GATAD2A: variants seen among roughly 807,000 people sequenced by gnomAD.
GATAD2A encodes GATA zinc finger domain containing 2A, also known as transcriptional repressor p66-alpha.
In GATAD2A, 12 loss-of-function variants were observed where a neutral mutation model predicts 68.5. The observed-to-expected ratio is 0.18, with a 90% CI of 0.11 to 0.28. GATAD2A has a LOEUF of 0.28. Among genes scored for constraint, GATAD2A ranks in the 10% least tolerant of loss-of-function variants. The pLI, the probability that GATAD2A is intolerant of heterozygous loss-of-function variation, is 1.00. For synonymous variants in GATAD2A, 410 were observed against 375.3 expected (o/e 1.09, Z -1.07); for missense variants, 755 against 868.5 (o/e 0.87, Z 1.64).
At chr19:19,434,998 C>G (rs1434085402) in intron 1 of GATAD2A, 1 of 445,338 alleles carries the variant, frequency 2.2e-6, no homozygotes, top group Non-Finnish European at 4.9e-6. Context: ...GGGTCCATGA[C>G]AGACAACATG....
At chr19:19,454,451 T>C (rs959343399) in intron 1 of GATAD2A, among the ~76,000 whole-genome samples, 7 of 151,796 alleles carry the variant, frequency 4.6e-5, no homozygotes, top group Non-Finnish European at 8.8e-5. Flanking sequence ...TACAAAAAAT[T>C]AGCTGGGTGT....
At chr19:19,429,762 C>T (rs2053527131) in intron 1 of GATAD2A, among the ~76,000 whole-genome samples, 1 of 151,996 alleles carries the variant, frequency 6.6e-6, no homozygotes, top group South Asian at 2.1e-4. Context: ...GAACTCCGGC[C>T]TCCAGTGCCA....
At chr19:19,446,020 T>G (rs1326747761) in intron 1 of GATAD2A, among the ~76,000 whole-genome samples, 1 of 152,250 alleles carries the variant, frequency 6.6e-6, no homozygotes, top group African/African-American at 2.4e-5. Context: ...TGCGTTTAAC[T>G]TTTTGAGGAA....
chr19:19,443,746 C>T (rs927501423), intron 1 of GATAD2A, among the ~76,000 whole-genome samples: 2 of 151,950 alleles, frequency 1.3e-5, no homozygotes, highest in African/African-American at 4.8e-5. Flanking sequence ...TTGGGTTTGG[C>T]CCAGGTCTTT....
chr19:19,436,499 A>C (rs1477375587), intron 1 of GATAD2A, among the ~76,000 whole-genome samples: 1 of 152,288 alleles, frequency 6.6e-6, no homozygotes, highest in Non-Finnish European at 1.5e-5. Flanking sequence ...GGGCAGGGGC[A>C]GAGGATAATC....
intron 1 of GATAD2A, among the ~76,000 whole-genome samples, chr19:19,437,674 CTT>C (rs886913884): frequency 6.6e-6 from 1 of 152,176 alleles, no homozygotes; most frequent in African/African-American, 2.4e-5. Flanking sequence ...TAAATGGACT[CTT>C]ATACTTGTGT....
At chr19:19,493,052 C>T (rs970006162) in intron 4 of GATAD2A, among the ~76,000 whole-genome samples, 4 of 152,040 alleles carry the variant, frequency 2.6e-5, no homozygotes, top group South Asian at 2.1e-4. Flanking sequence ...GTGATTCTCC[C>T]GCCTCAGCCT....
At chr19:19,482,503 C>G (rs1003241999) in intron 2 of GATAD2A, among the ~76,000 whole-genome samples, 19 of 152,242 alleles carry the variant, frequency 1.2e-4, no homozygotes, top group African/African-American at 4.3e-4. Flanking sequence ...CCCCAGGGTC[C>G]TGGCACAGTG....
intron 7 of GATAD2A, among the ~76,000 whole-genome samples, chr19:19,497,007 G>A (rs1307813192): frequency 5.3e-5 from 8 of 152,234 alleles, no homozygotes; most frequent in Non-Finnish European, 8.8e-5. Flanking sequence ...ACTGACCCAG[G>A]CAGGTAGTTT....
chr19:19,434,324 A>G (rs945566003), intron 1 of GATAD2A, among the ~76,000 whole-genome samples: 3 of 152,108 alleles, frequency 2.0e-5, no homozygotes, highest in Admixed American at 6.6e-5. Flanking sequence ...AGTTAGGACT[A>G]ATGCTGCCCA....
intron 1 of GATAD2A, among the ~76,000 whole-genome samples, chr19:19,458,236 A>C (rs1156987551): frequency 6.6e-6 from 1 of 152,186 alleles, no homozygotes; most frequent in Non-Finnish European, 1.5e-5. Flanking sequence ...CCTTGGCCTG[A>C]AACCCTCCCT....
At chr19:19,474,480 C>CA in intron 2 of GATAD2A, among the ~76,000 whole-genome samples, 1 of 152,308 alleles carries the variant, frequency 6.6e-6, no homozygotes, top group Non-Finnish European at 1.5e-5. Context: ...GGGATGCACT[C>CA]ACAGAGTCAG....
rs1822771614 is a variant in GATAD2A at position 19,505,656 on chromosome 19, G to A, written c.*182G>A. 2 of 548,174 alleles carry A rather than the reference G, an allele frequency of 3.6e-6. No homozygotes were observed. Among genetic ancestry groups the A allele is most frequent in the African/African-American group, 4.0e-5 (2 of 50,056 alleles). The allele number at this position is 548,174 out of a possible 1,614,324, so 34.0% of individuals were successfully genotyped here. ...TGGCTGCAAAGTTTCATCAGGGCTA[G>A]GGGGCTGGTGCCGCCTCATAGGCAG... On this transcript the variant is annotated 3_prime_UTR_variant, in exon 12 of 12. Transcript: ENST00000683918.
At chr19:19,487,962 G>T (rs1163346777) in intron 2 of GATAD2A, among the ~76,000 whole-genome samples, 2 of 152,190 alleles carry the variant, frequency 1.3e-5, no homozygotes, top group African/African-American at 2.4e-5. Context: ...GCTGGAGAAG[G>T]CATTGCTGGG....
rs2050879191 is a variant in GATAD2A at position 19,411,205 on chromosome 19, CATT to C, written c.-7+5190_-7+5192del. On this transcript the variant is annotated intron_variant, in intron 1 of 11. Transcript: ENST00000683918. ...TGATACTTGCCATAGTCACCTTGCT[CATT>C]ATTCGGCGGCTGGGACCCAACCCAG... Among the ~76,000 whole-genome samples, 3 of 152,232 alleles carry C rather than the reference CATT, an allele frequency of 2.0e-5. No homozygotes were observed. The South Asian group carries it at 6.2e-4, about 31-fold the overall frequency.
chr19:19,406,373 A>G (rs2050255282), intron 1 of GATAD2A, among the ~76,000 whole-genome samples: 1 of 135,220 alleles, frequency 7.4e-6, no homozygotes, highest in South Asian at 2.8e-4. Context: ...CGGCGGGAAG[A>G]CGGCACGTGG....
In GATAD2A at chr19:19,470,156, T is replaced by A. The variant is rs551349254; in HGVS notation, c.269+4542T>A. Among the ~76,000 whole-genome samples, 87 of 96,562 alleles carry A rather than the reference T, an allele frequency of 9.0e-4. 3 individuals carry two copies. The highest frequency in any genetic ancestry group is 2.2e-3 in the Admixed American group (23 of 10,326). The allele number at this position is 96,562 out of a possible 152,430, so 63.3% of individuals were successfully genotyped here. On this transcript the variant is annotated intron_variant, in intron 2 of 11. Coordinates refer to ENST00000683918, the MANE Select transcript of GATAD2A (RefSeq NM_001384528.1). ...AACTGCGACTTTATTTTTTTTTTTG[T>A]TTTTTTTTTTTTGAGACAGAGTCTC...
chr19:19,472,587 A>G (rs992480738), intron 2 of GATAD2A: 3 of 149,182 alleles, frequency 2.0e-5, no homozygotes, highest in African/African-American at 7.4e-5. Context: ...ACCCACCTCA[A>G]CCTCCGAAAG....
At chr19:19,433,381 A>G (rs1438711204) in intron 1 of GATAD2A, among the ~76,000 whole-genome samples, 2 of 151,982 alleles carry the variant, frequency 1.3e-5, no homozygotes, top group Non-Finnish European at 2.9e-5. Flanking sequence ...AGTCCTCCAA[A>G]TTTGTGCCTG....
Sources: gnomAD v4.1 joint callset for allele counts (sites outside exome capture counted in the v4.1 genomes callset) on GRCh38, gnomAD v4.1.1 for gene constraint, MANE v1.5 for transcripts, NCBI Gene and HGNC (gene_info 2026-07-23, HGNC 2026-07-21) for gene names.